The following ZNF554 variants were observed in gnomAD, a reference collection of about 807,000 sequenced individuals.
The protein encoded by ZNF554 is zinc finger protein 554.
ZNF554 carries 15 observed loss-of-function variants against 21.2 expected under a neutral mutation model. The observed-to-expected ratio is 0.71, with a 90% CI of 0.47 to 1.09. The LOEUF (loss-of-function observed/expected upper bound fraction) is 1.09. Ranked by LOEUF, ZNF554 falls within the 50% of genes least tolerant of loss-of-function variation. The pLI is 0.00. For synonymous variants in ZNF554, 258 were observed against 251.4 expected (o/e 1.03, Z -0.25); for missense variants, 691 against 662.7 (o/e 1.04, Z -0.47).
At chr19:2,824,113 G>A (rs1159591170) in intron 2 of ZNF554, among the ~76,000 whole-genome samples, 2 of 152,176 alleles carry the variant, frequency 1.3e-5, no homozygotes, top group African/African-American at 2.4e-5. Context: ...AGTCCTTCCT[G>A]AGACTCCTGA....
Position 2,821,439 on chromosome 19 carries a change from G to T in ZNF554, c.53+1315G>T, listed in dbSNP as rs1467577863. ...TGCACCACAAACCAGGGGGCAGGGG[G>T]AGGCTTGAAATTTATTCTCTCACAA... On this transcript the variant is annotated intron_variant, in intron 1 of 4. Transcript: ENST00000317243. This position sits in a 1 kb window ranked among gnomAD's most constrained non-coding sequence, Gnocchi z 8.2. Among the ~76,000 whole-genome samples the T allele has an allele frequency of 6.6e-6, 1 of 151,888 alleles. No individual in the cohort carries two copies. The highest frequency in any genetic ancestry group is 1.5e-5 in the Non-Finnish European group (1 of 68,036).
chr19:2,827,402 G>T (rs564310702), intron 2 of ZNF554, among the ~76,000 whole-genome samples: 1 of 152,294 alleles, frequency 6.6e-6, no homozygotes, highest in South Asian at 2.1e-4. Flanking sequence ...CTGTGTGCTG[G>T]TCGTCCTTGT....
rs199517922 is a variant in ZNF554 at position 2,833,857 on chromosome 19, G to C, written c.622G>C (p.Val208Leu). 1.2e-6 allele frequency: 2 copies of C among 1,613,206 alleles called. No homozygotes were observed. The highest frequency in any genetic ancestry group is 1.3e-5 in the African/African-American group (1 of 75,052). Residue 208 changes from valine to leucine, a missense_variant, in exon 5 of 5, where the codon GTA becomes CTA. By Grantham distance (32) the Val-to-Leu change is conservative. Coordinates refer to ENST00000317243, the MANE Select transcript of ZNF554 (RefSeq NM_001102651.2). ...TTTGAGCCAAAAGGCATCCCTTCACGTAGTGGCCGTTCCTCAGGAGAAGGC... is the reference window on the plus strand; with the variant it reads ...TTTGAGCCAAAAGGCATCCCTTCACCTAGTGGCCGTTCCTCAGGAGAAGGC... ...GLLSQKASLH[V>L]VAVPQEKATA... is the part of the protein sequence containing the mutation.
rs1951951088 is a variant in ZNF554 at position 2,834,001 on chromosome 19, T to A, written c.766T>A (p.Ser256Thr). ...GSELDITSLA[S>T]DSVLNHHQLG... The stretch of plus-strand genomic sequence containing the variant: ...CGAGTTAGATATTACAAGCTTGGCA[T>A]CCGATTCAGTCTTAAACCACCATCA... Residue 256 changes from serine to threonine, a missense_variant, in exon 5 of 5, where the codon TCC (serine) becomes ACC (threonine). Physicochemically the swap from Ser to Thr is moderately conservative, Grantham distance 58. Transcript: ENST00000317243. 1 of 1,614,040 alleles carries A rather than the reference T, an allele frequency of 6.2e-7. No homozygotes were observed. The highest frequency in any genetic ancestry group is 8.5e-7 in the Non-Finnish European group (1 of 1,180,054).
At chr19:2,830,000 C>T (rs1434720865) in intron 3 of ZNF554, among the ~76,000 whole-genome samples, 1 of 151,094 alleles carries the variant, frequency 6.6e-6, no homozygotes, top group African/African-American at 2.4e-5. Flanking sequence ...TCTTGGCTCA[C>T]TGCAAGCTCC....
Position 2,824,557 on chromosome 19 carries a change from G to C in ZNF554, c.126+1445G>C, listed in dbSNP as rs567516522. On this transcript the variant is annotated intron_variant, in intron 2 of 4. Coordinates refer to ENST00000317243, the MANE Select transcript of ZNF554 (RefSeq NM_001102651.2). ...TACCTGAAAGAATATTTCTGTAACT[G>C]TGATAAAACACACATGAAATACATA... Among the ~76,000 whole-genome samples the C allele has an allele frequency of 1.1e-4, 16 of 148,166 alleles. No homozygotes were observed. In the South Asian group the frequency reaches 3.5e-3, roughly 32 times the overall value.
Position 2,834,900 on chromosome 19 carries a change from C to A in ZNF554, c.*48C>A. ...CCACTTTTTAGTACTCTGACACATA[C>A]ATGTGGTTATCTTTTGCCCTGTTGT... On this transcript the variant is annotated 3_prime_UTR_variant, in exon 5 of 5. Coordinates refer to ENST00000317243, the MANE Select transcript of ZNF554 (RefSeq NM_001102651.2). The A allele has an allele frequency of 6.8e-7, 1 of 1,481,208 alleles. No individual in the cohort carries two copies. Among genetic ancestry groups the A allele is most frequent in the Non-Finnish European group, 9.1e-7 (1 of 1,099,366 alleles). The allele number at this position is 1,481,208 out of a possible 1,614,324, so 91.8% of individuals were successfully genotyped here.
At position 2,832,333 on chromosome 19, in the gene ZNF554, G is replaced by A; in HGVS notation, c.284G>A (p.Gly95Glu). Residue 95 changes from glycine (G) to glutamate (E), a missense_variant, in exon 4 of 5, where the codon GGG (glycine) becomes GAG (glutamate). Physicochemically the swap from Gly to Glu is moderately conservative, Grantham distance 98 (BLOSUM62 -2). Transcript: ENST00000317243. Reference protein sequence around the residue: ...EALKNQCTDVGIKEGPLSPAQ... With the variant: ...EALKNQCTDVEIKEGPLSPAQ... Reference sequence around the variant, plus strand: ...TTGAAGAACCAATGTACTGATGTGGGGATTAAAGAGGGTCCACTTTCCCCA... The same window carrying A: ...TTGAAGAACCAATGTACTGATGTGGAGATTAAAGAGGGTCCACTTTCCCCA... 1 of 1,610,680 alleles carries A rather than the reference G, an allele frequency of 6.2e-7. No homozygotes were observed. Among genetic ancestry groups the A allele is most frequent in the South Asian group, 1.1e-5 (1 of 90,506 alleles).
At position 2,834,444 on chromosome 19, in the gene ZNF554, C is replaced by G. The variant is rs141660745; in HGVS notation, c.1209C>G (p.Thr403=). The G allele has an allele frequency of 6.2e-7, 1 of 1,613,886 alleles. No homozygotes were observed. The highest frequency in any genetic ancestry group is 1.3e-5 in the African/African-American group (1 of 74,972). ...TGACTCAGCATCAGAGGATTCACACCGGGGAAAAGCCCTATAAATGTGAAG... is the reference window on the plus strand; with the variant it reads ...TGACTCAGCATCAGAGGATTCACACGGGGGAAAAGCCCTATAAATGTGAAG... ...SSLTQHQRIH[T]GEKPYKCEDC... The change falls in exon 5 of 5, where the codon ACC becomes ACG. Residue 403 remains threonine (T), a synonymous_variant. Coordinates refer to ENST00000317243, the MANE Select transcript of ZNF554 (RefSeq NM_001102651.2).
At chr19:2,824,519 G>T (rs796779808) in intron 2 of ZNF554, among the ~76,000 whole-genome samples, 27 of 152,332 alleles carry the variant, frequency 1.8e-4, no homozygotes, top group African/African-American at 6.5e-4. Context: ...GCCCAGGAAG[G>T]CATCCTCCTC....
Position 2,820,954 on chromosome 19 carries a change from G to A in ZNF554, c.53+830G>A, listed in dbSNP as rs1293586385. 5.3e-5 allele frequency among the ~76,000 whole-genome samples: 8 copies of A among 150,254 alleles called. No homozygotes were observed. In the East Asian group the frequency reaches 1.2e-3, roughly 23 times the overall value. On this transcript the variant is annotated intron_variant, in intron 1 of 4. Transcript: ENST00000317243. Reference sequence around the variant, plus strand: ...GCTGGGATTACAGGCGTGAGCCACCGCGCAGCTGCAAGGGTCTATTCTGTT... The same window carrying A: ...GCTGGGATTACAGGCGTGAGCCACCACGCAGCTGCAAGGGTCTATTCTGTT...
chr19:2,827,433 G>A (rs535384034), intron 2 of ZNF554, among the ~76,000 whole-genome samples, 184 bp from the exon 3 acceptor site: 7 of 152,090 alleles, frequency 4.6e-5, no homozygotes, highest in African/African-American at 1.7e-4. Flanking sequence ...GTGGGCCTAG[G>A]GTCTGTATGT....
chr19:2,822,994 G>A, intron 1 of ZNF554, 46 bp from the exon 2 acceptor site: 10 of 1,589,380 alleles, frequency 6.3e-6, no homozygotes, highest in Non-Finnish European at 7.7e-6. Flanking sequence ...GGGATCTGGG[G>A]ACTGGCCTGG....
In ZNF554 at chr19:2,825,000, GTTGT is replaced by G. The variant is rs1159450333; in HGVS notation, c.126+1891_126+1894del. 1.9e-3 allele frequency among the ~76,000 whole-genome samples: 215 copies of G among 114,878 alleles called. 16 individuals are homozygous for G. The highest frequency in any genetic ancestry group is 0.012 in the East Asian group (36 of 2,954). The allele number at this position is 114,878 out of a possible 152,430, so 75.4% of individuals were successfully genotyped here. On this transcript the variant is annotated intron_variant, in intron 2 of 4. Transcript: ENST00000317243. ...TCTCACTGAGCATAACGTGATTGCAGTTGTTTTTTTTTTTTTTTTTTTTTTTTTT... is the reference window on the plus strand; with the variant it reads ...TCTCACTGAGCATAACGTGATTGCAGTTTTTTTTTTTTTTTTTTTTTTTTT...
At position 2,821,068 on chromosome 19, in the gene ZNF554, C is replaced by G. The variant is rs1460789883; in HGVS notation, c.53+944C>G. 6.6e-6 allele frequency among the ~76,000 whole-genome samples: 1 copy of G among 151,666 alleles called. No homozygotes were observed. Among genetic ancestry groups the G allele is most frequent in the African/African-American group, 2.4e-5 (1 of 41,056 alleles). ...CCAACCTCCCTGAACTCTCCCCTAC[C>G]CAAACAGGTTGGTTTCTTTTTCTTC... On this transcript the variant is annotated intron_variant, in intron 1 of 4. Transcript: ENST00000317243. The surrounding 1 kb of genome is among the most constrained non-coding windows in gnomAD (Gnocchi z 8.2).
chr19:2,821,330 A>T lies in ZNF554; in HGVS notation c.53+1206A>T, dbSNP rs1568331043. On this transcript the variant is annotated intron_variant, in intron 1 of 4. Coordinates refer to ENST00000317243, the MANE Select transcript of ZNF554 (RefSeq NM_001102651.2). This position sits in a 1 kb window ranked among gnomAD's most constrained non-coding sequence, Gnocchi z 8.2. ...GGTATCGAACTCCTGACCTCAGGTG[A>T]TCCACCTACCTCGGCCTCCCAAAGT... 6.6e-6 allele frequency among the ~76,000 whole-genome samples: 1 copy of T among 151,672 alleles called. No homozygotes were observed. The highest frequency in any genetic ancestry group is 1.5e-5 in the Non-Finnish European group (1 of 67,958).
In ZNF554 at chr19:2,821,885, G is replaced by C. The variant is rs571770310; in HGVS notation, c.54-1155G>C. 6.6e-6 allele frequency among the ~76,000 whole-genome samples: 1 copy of C among 151,838 alleles called. No individual in the cohort carries two copies. Among genetic ancestry groups the C allele is most frequent in the Non-Finnish European group, 1.5e-5 (1 of 67,976 alleles). Reference sequence around the variant, plus strand: ...TTGCCATGTTGGCCAGGCTGGTCTCGAACTCCTGACCTCGTGGTCTGCCCG... The same window carrying C: ...TTGCCATGTTGGCCAGGCTGGTCTCCAACTCCTGACCTCGTGGTCTGCCCG... On this transcript the variant is annotated intron_variant, in intron 1 of 4. Coordinates refer to ENST00000317243, the MANE Select transcript of ZNF554 (RefSeq NM_001102651.2). This position sits in a 1 kb window ranked among gnomAD's most constrained non-coding sequence, Gnocchi z 8.2.
Position 2,834,182 on chromosome 19 carries a change from A to T in ZNF554, c.947A>T (p.Lys316Ile). ...NHGMALTIHN[K>I]INTAEKPFEC... ...GGTATGGCCCTGACTATCCACAACA[A>T]AATCAACACGGCAGAGAAACCCTTT... The change falls in exon 5 of 5, where the codon AAA becomes ATA. Residue 316 changes from lysine (K) to isoleucine (I), a missense_variant. Coordinates refer to ENST00000317243, the MANE Select transcript of ZNF554 (RefSeq NM_001102651.2). 1 of 1,614,048 alleles carries T rather than the reference A, an allele frequency of 6.2e-7. No homozygotes were observed. The highest frequency in any genetic ancestry group is 2.2e-5 in the East Asian group (1 of 44,892).
Position 2,834,531 on chromosome 19 carries a change from A to G in ZNF554, c.1296A>G (p.Gly432=). ...YLILHKRTHT[G]EKPYECSECG... is the part of the protein sequence containing the mutation. ...TCTTGCACAAGAGGACACACACCGG[A>G]GAGAAGCCCTACGAATGCAGTGAAT... Residue 432 remains glycine, a synonymous_variant, in exon 5 of 5, where the codon GGA becomes GGG. Transcript: ENST00000317243. The G allele has an allele frequency of 6.2e-7, 1 of 1,614,064 alleles. No individual in the cohort carries two copies. The highest frequency in any genetic ancestry group is 8.5e-7 in the Non-Finnish European group (1 of 1,180,036).
Sources: gnomAD v4.1 joint callset for allele counts (sites outside exome capture counted in the v4.1 genomes callset) on GRCh38, gnomAD v4.1.1 for gene constraint, Gnocchi (gnomAD v3.1) non-coding constraint, MANE v1.5 for transcripts, NCBI Gene and HGNC (gene_info 2026-07-23, HGNC 2026-07-21) for gene names.